MACROD1: variants seen among roughly 807,000 people sequenced by gnomAD.
The protein encoded by MACROD1 is mono-ADP ribosylhydrolase 1, also known as ADP-ribose glycohydrolase MACROD1.
A neutral mutation model predicts 41.4 loss-of-function variants in MACROD1; 31 were observed. That is an observed-to-expected ratio of 0.75 (90% CI 0.56 to 1.01). The LOEUF is 1.01. Among genes scored for constraint, MACROD1 ranks in the 50% least tolerant of loss-of-function variants. MACROD1 has a pLI of 0.00. For missense variants in MACROD1, 473 were observed against 460.0 expected, an observed-to-expected ratio of 1.03 and a Z score of -0.26; for synonymous variants, 252 against 203.4, an observed-to-expected ratio of 1.24 and a Z score of -2.03.
chr11:63,999,780 G>C lies in MACROD1; in HGVS notation c.665-17C>G. 1 of 1,599,290 alleles carries C rather than the reference G, an allele frequency of 6.3e-7. No individual in the cohort carries two copies. The highest frequency in any genetic ancestry group is 8.5e-7 in the Non-Finnish European group (1 of 1,177,108). On this transcript the variant is annotated splice_polypyrimidine_tract_variant and intron_variant, in intron 5 of 10. Transcript: ENST00000255681. The stretch of plus-strand genomic sequence containing the variant: ...GGATGACGTCTACGGGGGGCGACGG[G>C]GTCAGACCGGCGGGGGTCTACGCGG...
At chr11:64,106,688 T>A (rs565041185) in intron 3 of MACROD1, among the ~76,000 whole-genome samples, 77 of 152,206 alleles carry the variant, frequency 5.1e-4, no homozygotes, top group African/African-American at 1.5e-3. Flanking sequence ...CTCTCCAGGC[T>A]CTCTGCTGTG....
chr11:64,106,829 C>T (rs1944770428), intron 3 of MACROD1, among the ~76,000 whole-genome samples: 1 of 152,186 alleles, frequency 6.6e-6, no homozygotes, highest in Non-Finnish European at 1.5e-5. Context: ...AAAATAAAGA[C>T]CTTTAGCCCC....
intron 3 of MACROD1, among the ~76,000 whole-genome samples, chr11:64,112,792 A>AGGACCAGGAGAGGGGAAT (rs1229875782): frequency 6.6e-6 from 1 of 152,176 alleles, no homozygotes; most frequent in Admixed American, 6.5e-5. Context: ...CCAGGCCAAC[A>AGGACCAGGAGAGGGGAAT]GGGGTGCCAC....
At chr11:64,118,468 A>T (rs906694810) in intron 3 of MACROD1, 2 of 614,810 alleles carry the variant, frequency 3.3e-6, no homozygotes, top group African/African-American at 1.8e-5. Flanking sequence ...CAACAGTGAC[A>T]ATTTTTTTTA....
chr11:64,057,539 C>T (rs116601004), intron 3 of MACROD1, among the ~76,000 whole-genome samples: 1,768 of 152,334 alleles, frequency 0.012, 37 homozygotes, highest in African/African-American at 0.04. Context: ...ACAGCTGCCA[C>T]GCCCATTTTA....
intron 3 of MACROD1, among the ~76,000 whole-genome samples, chr11:64,091,225 C>T (rs1345658778): frequency 2.0e-5 from 3 of 151,956 alleles, no homozygotes; most frequent in Admixed American, 6.6e-5. Context: ...GCCTCCGCTG[C>T]AGGGTCTGCA....
chr11:64,123,386 G>A (rs931610951), intron 3 of MACROD1, among the ~76,000 whole-genome samples: 4 of 152,156 alleles, frequency 2.6e-5, no homozygotes, highest in Admixed American at 1.3e-4. Flanking sequence ...AATGCAAATC[G>A]TTACCGTTTA....
intron 4 of MACROD1, among the ~76,000 whole-genome samples, chr11:64,011,132 G>T (rs2134335816): frequency 6.9e-6 from 1 of 145,730 alleles, no homozygotes; most frequent in Admixed American, 6.9e-5. Context: ...TGGCATATTG[G>T]TTGGCACGAG....
intron 3 of MACROD1, among the ~76,000 whole-genome samples, chr11:64,059,831 C>T (rs879820131): frequency 6.6e-6 from 1 of 152,240 alleles, no homozygotes; most frequent in Non-Finnish European, 1.5e-5. Flanking sequence ...CCCCGAGAGG[C>T]CCGCCCCTAG....
In MACROD1 at chr11:63,999,540, G is replaced by T. The variant is rs767227500; in HGVS notation, c.807C>A (p.Thr269=). 6.2e-7 allele frequency: 1 copy of T among 1,609,436 alleles called. No individual in the cohort carries two copies. The highest frequency in any genetic ancestry group is 8.5e-7 in the Non-Finnish European group (1 of 1,178,468). ...TTCTTCCAGACTCACCAAACACGCC[G>T]GTGGAGATGCAGGGGAACGCCTGGG... The part of the protein sequence containing the change: ...LRSVAFPCIS[T]GVFGYPCEAA... The change falls in exon 7 of 11, where the codon ACC becomes ACA. Residue 269 remains threonine (T), a synonymous_variant. Transcript: ENST00000255681.
In MACROD1 at chr11:64,123,888, C is replaced by T. The variant is rs137863466; in HGVS notation, c.517+27351G>A. Among the ~76,000 whole-genome samples the T allele has an allele frequency of 8.0e-3, 1,225 of 152,290 alleles. 4 individuals carry two copies. Among genetic ancestry groups the T allele is most frequent in the Non-Finnish European group, 0.012 (831 of 68,020 alleles). On this transcript the variant is annotated intron_variant, in intron 3 of 10. Coordinates refer to ENST00000255681, the MANE Select transcript of MACROD1 (RefSeq NM_014067.4). ...GCAGTGAGCTCTCCGTCACTGGGAGCATTCAAGCACTAGATGGGGACGTGG... is the reference window on the plus strand; with the variant it reads ...GCAGTGAGCTCTCCGTCACTGGGAGTATTCAAGCACTAGATGGGGACGTGG...
At chr11:64,083,854 G>A (rs1054390114) in intron 3 of MACROD1, among the ~76,000 whole-genome samples, 4 of 152,250 alleles carry the variant, frequency 2.6e-5, no homozygotes, top group African/African-American at 9.6e-5. Flanking sequence ...CCGGTGAGGG[G>A]CGCTGACCTG....
At chr11:64,113,360 TGATGGATG>T (rs1191481891) in intron 3 of MACROD1, among the ~76,000 whole-genome samples, 3 of 152,078 alleles carry the variant, frequency 2.0e-5, no homozygotes, top group Non-Finnish European at 4.4e-5. Flanking sequence ...GTTGGATGCA[TGATGGATG>T]GATGGATGGA....
chr11:64,018,750 G>A (rs1820590599), intron 3 of MACROD1, among the ~76,000 whole-genome samples: 3 of 152,234 alleles, frequency 2.0e-5, no homozygotes, highest in Admixed American at 2.0e-4. Flanking sequence ...AGTTTCCAGA[G>A]GAGGAAACTG....
At chr11:64,023,007 A>G (rs1695745058) in intron 3 of MACROD1, among the ~76,000 whole-genome samples, 1 of 151,530 alleles carries the variant, frequency 6.6e-6, no homozygotes, top group Non-Finnish European at 1.5e-5. Context: ...GACTACAGGC[A>G]TGTGCCACCA....
At position 64,082,266 on chromosome 11, in the gene MACROD1, GGGGGT is replaced by G. The variant is rs912984951; in HGVS notation, c.518-66990_518-66986del. The stretch of plus-strand genomic sequence containing the variant: ...GCTTAGCAGAGGATGGCTGAGCCTG[GGGGGT>G]GGAGAAAATCTTGCCTCCTGCTCTG... On this transcript the variant is annotated intron_variant, in intron 3 of 10. Coordinates refer to ENST00000255681, the MANE Select transcript of MACROD1 (RefSeq NM_014067.4). The surrounding 1 kb of genome is among the most constrained non-coding windows in gnomAD (Gnocchi z 4.5). Among the ~76,000 whole-genome samples the G allele has an allele frequency of 2.6e-5, 4 of 152,136 alleles. No homozygotes were observed. The highest frequency in any genetic ancestry group is 9.7e-5 in the African/African-American group (4 of 41,426).
intron 1 of MACROD1, among the ~76,000 whole-genome samples, 180 bp downstream of exon 1, chr11:64,165,517 C>T (rs976017211): frequency 2.0e-5 from 3 of 152,054 alleles, no homozygotes; most frequent in Non-Finnish European, 4.4e-5. Flanking sequence ...GGGCTGGGAA[C>T]ACGCGCGGGG....
At chr11:64,042,304 G>A (rs961493864) in intron 3 of MACROD1, among the ~76,000 whole-genome samples, 7 of 152,158 alleles carry the variant, frequency 4.6e-5, no homozygotes, top group African/African-American at 1.4e-4. Flanking sequence ...AAGCTGCCAC[G>A]AGGAAGGGGC....
chr11:64,118,131 C>T, intron 3 of MACROD1: 1 of 1,613,446 alleles, frequency 6.2e-7, no homozygotes, highest in Non-Finnish European at 8.5e-7. Flanking sequence ...GCTGCAGATG[C>T]TGCCCATCAA....
Sources: gnomAD v4.1 joint callset for allele counts (sites outside exome capture counted in the v4.1 genomes callset) on GRCh38, gnomAD v4.1.1 for gene constraint, Gnocchi (gnomAD v3.1) non-coding constraint, MANE v1.5 for transcripts, NCBI Gene and HGNC (gene_info 2026-07-23, HGNC 2026-07-21) for gene names.